Variants in CDKAL1 observed in about 807,000 individuals in gnomAD.
The protein encoded by CDKAL1 is threonylcarbamoyladenosine tRNA methylthiotransferase.
In CDKAL1, 32 loss-of-function variants were observed where a neutral mutation model predicts 68.2. The observed-to-expected ratio is 0.47, with a 90% CI of 0.35 to 0.63. The LOEUF (loss-of-function observed/expected upper bound fraction) is 0.63. CDKAL1 is among the 30% of genes least tolerant of loss of function. The probability of loss-of-function intolerance (pLI) is 0.00; values close to 1 mark genes in which losing one functional copy is unlikely to be tolerated. For synonymous variants in CDKAL1, 234 were observed against 244.3 expected, an observed-to-expected ratio of 0.96 and a Z score of 0.39; for missense variants, 606 against 696.7, an observed-to-expected ratio of 0.87 and a Z score of 1.47.
rs182151577 is a variant in CDKAL1 at position 20,701,448 on chromosome 6, T to C, written c.372-38071T>C. The stretch of plus-strand genomic sequence containing the variant: ...CTCTGATTTGCTCCAGTCCTTATCA[T>C]TCCCTGTTGTACTTTCATGTCTATT... On this transcript the variant is annotated intron_variant, in intron 5 of 15. Coordinates refer to ENST00000274695, the MANE Select transcript of CDKAL1 (RefSeq NM_017774.3). 1.5e-3 allele frequency among the ~76,000 whole-genome samples: 233 copies of C among 152,318 alleles called. 2 individuals carry two copies. Among genetic ancestry groups the C allele is most frequent in the Non-Finnish European group, 1.2e-4 (8 of 68,016 alleles).
At chr6:20,953,913 T>G (rs113368377) in intron 9 of CDKAL1, among the ~76,000 whole-genome samples, 1 of 152,190 alleles carries the variant, frequency 6.6e-6, no homozygotes, top group Non-Finnish European at 1.5e-5. Context: ...TGTATTGAGC[T>G]TTTTATTTTT....
chr6:20,836,173 T>C (rs925386155), intron 8 of CDKAL1, among the ~76,000 whole-genome samples: 5 of 152,140 alleles, frequency 3.3e-5, no homozygotes, highest in African/African-American at 1.2e-4. Context: ...TTCATTCACT[T>C]GGACATGACC....
intron 9 of CDKAL1, among the ~76,000 whole-genome samples, chr6:20,887,095 A>T (rs9366367): frequency 0.55 from 83,690 of 152,064 alleles, 23,361 homozygotes; most frequent in African/African-American, 0.61. Context: ...ATGAGTCACA[A>T]GGGAAATGCA....
At chr6:20,610,304 A>G (rs935133221) in intron 4 of CDKAL1, among the ~76,000 whole-genome samples, 1 of 152,146 alleles carries the variant, frequency 6.6e-6, no homozygotes, top group Non-Finnish European at 1.5e-5. Flanking sequence ...CAGTAATGGG[A>G]TTGCTGGGTT....
intron 4 of CDKAL1, among the ~76,000 whole-genome samples, chr6:20,645,747 A>C (rs1768416709): frequency 7.2e-6 from 1 of 138,740 alleles, no homozygotes; most frequent in African/African-American, 2.6e-5. Context: ...TAAATAAATA[A>C]ATAAATAAAA....
chr6:20,704,907 A>G (rs1049445289), intron 5 of CDKAL1, among the ~76,000 whole-genome samples: 2 of 152,226 alleles, frequency 1.3e-5, no homozygotes, highest in Non-Finnish European at 2.9e-5. Flanking sequence ...GCAACAAAGA[A>G]TATGAGGTTT....
At chr6:21,038,249 G>A (rs949782116) in intron 11 of CDKAL1, among the ~76,000 whole-genome samples, 7 of 152,208 alleles carry the variant, frequency 4.6e-5, no homozygotes, top group South Asian at 2.1e-4. Context: ...AATAGATTTA[G>A]AGGAGCAGTA....
At chr6:20,601,630 G>C (rs1472786595) in intron 4 of CDKAL1, among the ~76,000 whole-genome samples, 2 of 152,088 alleles carry the variant, frequency 1.3e-5, no homozygotes, top group Non-Finnish European at 2.9e-5. Context: ...GAATCTGGAA[G>C]GACCAAGCAT....
intron 8 of CDKAL1, among the ~76,000 whole-genome samples, chr6:20,843,382 C>T (rs1363128299): frequency 6.6e-6 from 1 of 152,008 alleles, no homozygotes. Flanking sequence ...CAGCCCAAGT[C>T]AGAAATATTA....
intron 10 of CDKAL1, among the ~76,000 whole-genome samples, chr6:20,959,928 G>T (rs756569490): frequency 6.6e-6 from 1 of 152,122 alleles, no homozygotes; most frequent in Admixed American, 6.5e-5. Flanking sequence ...AACCCAACAA[G>T]GTTCACATGA....
chr6:20,619,554 A>G (rs548522487), intron 4 of CDKAL1, among the ~76,000 whole-genome samples: 3 of 152,320 alleles, frequency 2.0e-5, no homozygotes, highest in South Asian at 4.1e-4. Context: ...TAATCACCAG[A>G]TAGTCACCAA....
At chr6:20,935,853 T>C (rs1232109645) in intron 9 of CDKAL1, among the ~76,000 whole-genome samples, 2 of 152,144 alleles carry the variant, frequency 1.3e-5, no homozygotes, top group African/African-American at 4.8e-5. Flanking sequence ...TACAGGCATA[T>C]GGATTCCTCT....
At chr6:21,023,828 A>G (rs1768811539) in intron 11 of CDKAL1, among the ~76,000 whole-genome samples, 1 of 152,150 alleles carries the variant, frequency 6.6e-6, no homozygotes, top group African/African-American at 2.4e-5. Context: ...TAGCTTTTTC[A>G]TGGCCCTTTC....
At chr6:20,664,967 T>G (rs1358794144) in intron 5 of CDKAL1, among the ~76,000 whole-genome samples, 1 of 152,056 alleles carries the variant, frequency 6.6e-6, no homozygotes, top group Non-Finnish European at 1.5e-5. Flanking sequence ...ACTGCCTAAA[T>G]AACTTTGAAC....
intron 13 of CDKAL1, among the ~76,000 whole-genome samples, chr6:21,140,902 A>C (rs570985349): frequency 6.6e-6 from 1 of 152,178 alleles, no homozygotes; most frequent in East Asian, 1.9e-4. Context: ...GGCAAAAGGC[A>C]CTTCTTACAT....
intron 2 of CDKAL1, among the ~76,000 whole-genome samples, chr6:20,541,907 G>T (rs1355856185): frequency 6.6e-6 from 1 of 152,196 alleles, no homozygotes. Flanking sequence ...TGATCTGTCC[G>T]CCTTGGCCTC....
chr6:20,849,255 A>C (rs1331469043), intron 9 of CDKAL1, among the ~76,000 whole-genome samples: 1 of 152,116 alleles, frequency 6.6e-6, no homozygotes, highest in African/African-American at 2.4e-5. Context: ...TAAGAATTTG[A>C]GATAACATGT....
intron 5 of CDKAL1, among the ~76,000 whole-genome samples, chr6:20,713,155 C>T (rs1771927879): frequency 6.6e-6 from 1 of 152,182 alleles, no homozygotes; most frequent in South Asian, 2.1e-4. Flanking sequence ...ACTTTACCCT[C>T]TGATGTTAAT....
At chr6:20,710,231 A>G (rs1410882192) in intron 5 of CDKAL1, among the ~76,000 whole-genome samples, 1 of 152,202 alleles carries the variant, frequency 6.6e-6, no homozygotes, top group Non-Finnish European at 1.5e-5. Context: ...TAAATATTAC[A>G]TGCAACATTG....
Sources: gnomAD v4.1 joint callset for allele counts (sites outside exome capture counted in the v4.1 genomes callset) on GRCh38, gnomAD v4.1.1 for gene constraint, MANE v1.5 for transcripts, NCBI Gene and HGNC (gene_info 2026-07-23, HGNC 2026-07-21) for gene names.